The following TNRC6A variants were observed in gnomAD, a reference collection of about 807,000 sequenced individuals.
The protein encoded by TNRC6A is trinucleotide repeat containing adaptor 6A.
A neutral mutation model predicts 221.2 loss-of-function variants in TNRC6A; 44 were observed. That is an observed-to-expected ratio of 0.20 (90% confidence interval 0.16 to 0.26). The LOEUF (loss-of-function observed/expected upper bound fraction) is 0.26. TNRC6A is among the 10% of genes least tolerant of loss of function. TNRC6A has a pLI of 1.00. For missense variants in TNRC6A, 2,199 were observed against 2,404.4 expected (o/e 0.91, Z 1.79); for synonymous variants, 847 against 838.5 (o/e 1.01, Z -0.18).
chr16:24,773,271 CA>C (rs1327973806), intron 4 of TNRC6A, among the ~76,000 whole-genome samples: 1 of 152,132 alleles, frequency 6.6e-6, no homozygotes, highest in Non-Finnish European at 1.5e-5. Context: ...GCAGTGTTTC[CA>C]GTATTAATTT....
rs1478178408 is a variant in TNRC6A, at chr16:24,805,737, A to C, written c.4251+4A>C. On this transcript the variant is annotated splice_donor_region_variant and intron_variant, in intron 15 of 24. Coordinates refer to ENST00000395799, the MANE Select transcript of TNRC6A (RefSeq NM_014494.4). Reference sequence around the variant, plus strand: ...TTCTCAGATCTCCCAGTTACAGGTAAGCAGAGTCATAGTCTTTCTTAGTAC... The same window carrying C: ...TTCTCAGATCTCCCAGTTACAGGTACGCAGAGTCATAGTCTTTCTTAGTAC... 6.2e-7 allele frequency: 1 copy of C among 1,614,224 alleles called. No individual in the cohort carries two copies. The highest frequency in any genetic ancestry group is 1.1e-5 in the South Asian group (1 of 91,086).
At chr16:24,765,685 G>A (rs1429746185) in intron 4 of TNRC6A, among the ~76,000 whole-genome samples, 1 of 152,062 alleles carries the variant, frequency 6.6e-6, no homozygotes, top group East Asian at 1.9e-4. Context: ...ATGTCTTTGA[G>A]CTATGTAACA....
At chr16:24,772,112 G>A (rs1340336553) in intron 4 of TNRC6A, among the ~76,000 whole-genome samples, 1 of 152,146 alleles carries the variant, frequency 6.6e-6, no homozygotes, top group Non-Finnish European at 1.5e-5. Context: ...GTTCAATTTA[G>A]TTGGGTTTTG....
At chr16:24,673,240 G>A (rs1045378105) in intron 2 of TNRC6A, among the ~76,000 whole-genome samples, 1 of 152,158 alleles carries the variant, frequency 6.6e-6, no homozygotes, top group Non-Finnish European at 1.5e-5. Context: ...CAACTTTTCT[G>A]TGTGTGTACA....
Position 24,816,814 on chromosome 16 carries a change from A to G in TNRC6A, c.4832-2A>G. Reference sequence around the variant, plus strand: ...GAACTAATTTTAAATTTCCGTTTCCAGAATTTCGTCCTGGTGAGCCATGGA... The same window carrying G: ...GAACTAATTTTAAATTTCCGTTTCCGGAATTTCGTCCTGGTGAGCCATGGA... On this transcript the variant is annotated splice_acceptor_variant, in intron 19 of 24. Coordinates refer to ENST00000395799, the MANE Select transcript of TNRC6A (RefSeq NM_014494.4). LOFTEE classifies it high-confidence loss of function. The G allele has an allele frequency of 6.3e-7, 1 of 1,599,982 alleles. No homozygotes were observed. The highest frequency in any genetic ancestry group is 8.5e-7 in the Non-Finnish European group (1 of 1,175,574).
At chr16:24,642,930 G>C (rs1902028755) in intron 2 of TNRC6A, among the ~76,000 whole-genome samples, 2 of 150,382 alleles carry the variant, frequency 1.3e-5, no homozygotes, top group Non-Finnish European at 3.0e-5. Flanking sequence ...TGTAATCCCA[G>C]CTACTTGGGA....
intron 2 of TNRC6A, among the ~76,000 whole-genome samples, chr16:24,697,264 C>T (rs2055882873): frequency 6.6e-6 from 1 of 152,148 alleles, no homozygotes; most frequent in Non-Finnish European, 1.5e-5. Context: ...AAACTACCTA[C>T]GTCTGGGTAT....
intron 2 of TNRC6A, among the ~76,000 whole-genome samples, chr16:24,699,658 G>T (rs2055929998): frequency 2.6e-5 from 4 of 151,066 alleles, no homozygotes; most frequent in Non-Finnish European, 2.9e-5. Context: ...TTCCAAGGCT[G>T]CAGTGAGCTA....
intron 5 of TNRC6A, among the ~76,000 whole-genome samples, chr16:24,783,229 A>T (rs2057891612): frequency 6.6e-6 from 1 of 152,020 alleles, no homozygotes; most frequent in Non-Finnish European, 1.5e-5. Context: ...CCTGGGTTCA[A>T]GCAATTCTCC....
At chr16:24,643,140 A>G (rs890983579) in intron 2 of TNRC6A, among the ~76,000 whole-genome samples, 2 of 124,484 alleles carry the variant, frequency 1.6e-5, no homozygotes, top group Non-Finnish European at 3.3e-5. Context: ...ATATATATAA[A>G]AAATCCATCC....
At position 24,825,398 on chromosome 16, in the gene TNRC6A, G is replaced by A. The variant is rs1238432731; in HGVS notation, c.*1591G>A. ...ATGTGATTGTAAAATGTACAGTTTGGTTGTGTTTGAATTATGAAATTTCTT... is the reference window on the plus strand; with the variant it reads ...ATGTGATTGTAAAATGTACAGTTTGATTGTGTTTGAATTATGAAATTTCTT... On this transcript the variant is annotated 3_prime_UTR_variant, in exon 25 of 25. Transcript: ENST00000395799. 1.3e-5 allele frequency: 2 copies of A among 152,588 alleles called. No homozygotes were observed. The highest frequency in any genetic ancestry group is 2.9e-5 in the Non-Finnish European group (2 of 68,024). The allele number at this position is 152,588 out of a possible 1,614,324, so 9.5% of individuals were successfully genotyped here.
intron 5 of TNRC6A, among the ~76,000 whole-genome samples, chr16:24,788,360 G>A (rs1036439840): frequency 6.6e-6 from 1 of 152,182 alleles, no homozygotes; most frequent in Non-Finnish European, 1.5e-5. Context: ...TTACTTGGCT[G>A]TAATATTTCA....
chr16:24,732,184 T>C (rs2056660615), intron 2 of TNRC6A, among the ~76,000 whole-genome samples: 1 of 152,182 alleles, frequency 6.6e-6, no homozygotes, highest in Admixed American at 6.5e-5. Context: ...AGGTTAAAAG[T>C]GTTCTGAGGA....
At chr16:24,645,509 AAAAACAAAAACCTAC>A (rs1902228434) in intron 2 of TNRC6A, among the ~76,000 whole-genome samples, 1 of 151,528 alleles carries the variant, frequency 6.6e-6, no homozygotes, top group Admixed American at 6.6e-5. Flanking sequence ...ACAAAAAACA[AAAAACAAAAACCTAC>A]TTCTGTCCGA....
intron 5 of TNRC6A, among the ~76,000 whole-genome samples, chr16:24,782,523 T>C (rs1389078242): frequency 6.6e-6 from 1 of 152,140 alleles, no homozygotes; most frequent in East Asian, 1.9e-4. Flanking sequence ...TAGAACAAGT[T>C]TGCCAACCCC....
chr16:24,795,519 A>C (rs1208341401), intron 8 of TNRC6A: 2 of 184,400 alleles, frequency 1.1e-5, no homozygotes, highest in African/African-American at 4.7e-5. Flanking sequence ...CTACTTGAGA[A>C]TGATTACCTT....
intron 1 of TNRC6A, among the ~76,000 whole-genome samples, chr16:24,616,342 A>AG (rs1555478656): frequency 3.1e-4 from 45 of 144,924 alleles, no homozygotes; most frequent in Middle Eastern, 3.9e-3. Flanking sequence ...AAAAAAAAAA[A>AG]AAGAAGAAGA....
chr16:24,797,969 A>C lies in TNRC6A; in HGVS notation c.3694+3A>C. The stretch of plus-strand genomic sequence containing the variant: ...CAATAAGATGGACCTTTCTGGAGGT[A>C]AGAGAAAATTAAATCTGTTTATATT... On this transcript the variant is annotated splice_donor_region_variant and intron_variant, in intron 11 of 24. Coordinates refer to ENST00000395799, the MANE Select transcript of TNRC6A (RefSeq NM_014494.4). The C allele has an allele frequency of 6.2e-7, 1 of 1,610,044 alleles. No homozygotes were observed. Among genetic ancestry groups the C allele is most frequent in the East Asian group, 2.2e-5 (1 of 44,834 alleles).
rs1018480125 is a variant in TNRC6A, at chr16:24,804,711, A to G, written c.3844A>G (p.Ile1282Val). 6 of 1,589,422 alleles carry G rather than the reference A, an allele frequency of 3.8e-6. No individual in the cohort carries two copies. In the African/African-American group the frequency reaches 4.1e-5, roughly 11 times the overall value. The change falls in exon 13 of 25, where the codon ATT becomes GTT. Residue 1282 changes from isoleucine (I) to valine (V), a missense_variant. Ile to Val is a conservative substitution (Grantham distance 29). Around this residue, in one of 8 missense-constraint regions of TNRC6A, gnomAD observed 158 missense variants for 159.1 expected, o/e 0.99. Coordinates refer to ENST00000395799, the MANE Select transcript of TNRC6A (RefSeq NM_014494.4). ...ERNPYFDKDG[I>V]VADESQNMQF... The stretch of plus-strand genomic sequence containing the variant: ...TTTCTGTCTGTCCAATCAGGATGGC[A>G]TTGTAGCAGATGAATCCCAAAACAT...
Sources: allele counts gnomAD v4.1 joint callset (sites outside exome capture counted in the v4.1 genomes callset), GRCh38; gene constraint gnomAD v4.1.1; regional missense constraint gnomAD v4.1.1; transcripts MANE v1.5; gene names NCBI Gene and HGNC (gene_info 2026-07-23, HGNC 2026-07-21).